TMEM215: variants seen among roughly 807,000 people sequenced by gnomAD.
The protein encoded by TMEM215 is transmembrane protein 215.
A neutral mutation model predicts 14.7 loss-of-function variants in TMEM215; 12 were observed. That is an observed-to-expected ratio of 0.82 (90% CI 0.52 to 1.33). TMEM215 has a LOEUF of 1.33. Among genes scored for constraint, TMEM215 ranks in the 40% most tolerant of loss-of-function variants. TMEM215 has a pLI of 0.00. For missense variants in TMEM215, 276 were observed against 296.2 expected (o/e 0.93, Z 0.50); for synonymous variants, 122 against 124.8 (o/e 0.98, Z 0.15).
rs1197917146 is a variant in TMEM215 at position 32,788,175 on chromosome 9, AT to A, written c.*3285del. Among the ~76,000 whole-genome samples, 14 of 152,314 alleles carry A rather than the reference AT, an allele frequency of 9.2e-5. No homozygotes were observed. Among genetic ancestry groups the A allele is most frequent in the African/African-American group, 3.1e-4 (13 of 41,578 alleles). Reference sequence around the variant, plus strand: ...TGTTAAATGTTTTTTCTCTTTTGCAATGTCCAAGCTCTACTTATTTATTAAT... The same window carrying A: ...TGTTAAATGTTTTTTCTCTTTTGCAAGTCCAAGCTCTACTTATTTATTAAT... On this transcript the variant is annotated 3_prime_UTR_variant, in exon 2 of 2. Coordinates refer to ENST00000342743, the MANE Select transcript of TMEM215 (RefSeq NM_212558.3).
Position 32,787,818 on chromosome 9 carries a change from C to A in TMEM215, c.*2927C>A, listed in dbSNP as rs1013922424. ...TTGCTGTTAATCCAAGTAGACATTG[C>A]GACTTGATTCTGAATAGGCATTTTA... On this transcript the variant is annotated 3_prime_UTR_variant, in exon 2 of 2. Transcript: ENST00000342743. Among the ~76,000 whole-genome samples the A allele has an allele frequency of 1.1e-4, 16 of 151,990 alleles. No homozygotes were observed. The highest frequency in any genetic ancestry group is 1.9e-4 in the Non-Finnish European group (13 of 67,954).
rs1824508051 is a variant in TMEM215 at position 32,786,486 on chromosome 9, A to G, written c.*1595A>G. The G allele has an allele frequency of 6.0e-6, 1 of 166,916 alleles. No individual in the cohort carries two copies. The highest frequency in any genetic ancestry group is 1.5e-5 in the Non-Finnish European group (1 of 68,050). 10.3% of individuals were successfully genotyped at this position (166,916 alleles called of 1,614,324 possible). A position where few individuals can be genotyped will look rare whatever the true frequency, so the allele number is the denominator to read the frequency against. On this transcript the variant is annotated 3_prime_UTR_variant, in exon 2 of 2. Coordinates refer to ENST00000342743, the MANE Select transcript of TMEM215 (RefSeq NM_212558.3). ...GGCTTAAATATCAGAAATGAGATGC[A>G]TGATCTTGGGCAAATTTTATCTTCT...
In TMEM215 at chr9:32,788,434, G is replaced by A. The variant is rs1011768590; in HGVS notation, c.*3543G>A. On this transcript the variant is annotated 3_prime_UTR_variant, in exon 2 of 2. Transcript: ENST00000342743. Reference sequence around the variant, plus strand: ...TCTCTTTGAATTATATTCCATGCATGTTTCCATGTTTCTATGTAGTATTTC... The same window carrying A: ...TCTCTTTGAATTATATTCCATGCATATTTCCATGTTTCTATGTAGTATTTC... 5.3e-5 allele frequency among the ~76,000 whole-genome samples: 8 copies of A among 152,126 alleles called. No individual in the cohort carries two copies. Among genetic ancestry groups the A allele is most frequent in the Non-Finnish European group, 1.0e-4 (7 of 68,004 alleles).
In TMEM215 at chr9:32,788,158, G is replaced by GT. The variant is rs1824528275; in HGVS notation, c.*3273dup. Among the ~76,000 whole-genome samples, 1 of 152,094 alleles carries GT rather than the reference G, an allele frequency of 6.6e-6. No individual in the cohort carries two copies. Among genetic ancestry groups the GT allele is most frequent in the Non-Finnish European group, 1.5e-5 (1 of 67,994 alleles). On this transcript the variant is annotated 3_prime_UTR_variant, in exon 2 of 2. Coordinates refer to ENST00000342743, the MANE Select transcript of TMEM215 (RefSeq NM_212558.3). Reference sequence around the variant, plus strand: ...GAAAGGAAGATTCATTCTGTTAAATGTTTTTTCTCTTTTGCAATGTCCAAG... The same window carrying GT: ...GAAAGGAAGATTCATTCTGTTAAATGTTTTTTTCTCTTTTGCAATGTCCAAG...
At position 32,786,199 on chromosome 9, in the gene TMEM215, T is replaced by C. The variant is rs1824504690; in HGVS notation, c.*1308T>C. ...TATGAATTATATATAGGAATGGTGA[T>C]AGAGTTCATCTTGAAGATCAGAAGT... is the stretch of plus-strand genomic sequence containing the variant. On this transcript the variant is annotated 3_prime_UTR_variant, in exon 2 of 2. Transcript: ENST00000342743. The C allele has an allele frequency of 6.0e-6, 1 of 167,026 alleles. No homozygotes were observed. Among genetic ancestry groups the C allele is most frequent in the South Asian group, 2.1e-4 (1 of 4,832 alleles). 10.3% of individuals were successfully genotyped at this position (167,026 alleles called of 1,614,324 possible).
Position 32,787,006 on chromosome 9 carries a change from GAAAACTTCCTTT to G in TMEM215, c.*2118_*2129del, listed in dbSNP as rs1824514255. On this transcript the variant is annotated 3_prime_UTR_variant, in exon 2 of 2. Transcript: ENST00000342743. Reference sequence around the variant, plus strand: ...AACTATGCAATAACTCTTTAGGAATGAAAACTTCCTTTAAGAAGTTTGCCACCGTTAGAGATG... The same window carrying G: ...AACTATGCAATAACTCTTTAGGAATGAAGAAGTTTGCCACCGTTAGAGATG... 1 of 166,978 alleles carries G rather than the reference GAAAACTTCCTTT, an allele frequency of 6.0e-6. No individual in the cohort carries two copies. Among genetic ancestry groups the G allele is most frequent in the Admixed American group, 6.5e-5 (1 of 15,278 alleles). The allele number at this position is 166,978 out of a possible 1,614,324, so 10.3% of individuals were successfully genotyped here.
Position 32,784,876 on chromosome 9 carries a change from C to A in TMEM215, c.693C>A (p.His231Gln). The change falls in exon 2 of 2, where the codon CAC becomes CAA. Residue 231 changes from histidine (H) to glutamine (Q), a missense_variant. His to Gln is a conservative substitution (Grantham distance 24, BLOSUM62 0). Coordinates refer to ENST00000342743, the MANE Select transcript of TMEM215 (RefSeq NM_212558.3). ...YINQIQGRWD[H>Q]ETIV is the part of the protein sequence containing the mutation. ...ATCAGATACAAGGCAGGTGGGACCA[C>A]GAGACCATCGTCTAATCTCTGCCTA... is the stretch of plus-strand genomic sequence containing the variant. 6.2e-7 allele frequency: 1 copy of A among 1,611,826 alleles called. No individual in the cohort carries two copies. Among genetic ancestry groups the A allele is most frequent in the Non-Finnish European group, 8.5e-7 (1 of 1,179,226 alleles).
chr9:32,784,395 A>G lies in TMEM215; in HGVS notation c.212A>G (p.Glu71Gly). The G allele has an allele frequency of 1.9e-6, 3 of 1,614,224 alleles. No homozygotes were observed. The highest frequency in any genetic ancestry group is 1.7e-6 in the Non-Finnish European group (2 of 1,180,028). ...RKTEGCTKWP[E>G]NELLWVRKLP... ...ACCGAGGGATGCACCAAGTGGCCAG[A>G]GAACGAGCTGCTGTGGGTCCGCAAA... Residue 71 changes from glutamate to glycine, a missense_variant, in exon 2 of 2, where the codon GAG (glutamate) becomes GGG (glycine). Coordinates refer to ENST00000342743, the MANE Select transcript of TMEM215 (RefSeq NM_212558.3).
In TMEM215 at chr9:32,784,903, A is replaced by G. The variant is rs1824489198; in HGVS notation, c.*12A>G. The G allele has an allele frequency of 6.2e-7, 1 of 1,601,780 alleles. No homozygotes were observed. Among genetic ancestry groups the G allele is most frequent in the Admixed American group, 1.7e-5 (1 of 59,562 alleles). On this transcript the variant is annotated 3_prime_UTR_variant, in exon 2 of 2. Coordinates refer to ENST00000342743, the MANE Select transcript of TMEM215 (RefSeq NM_212558.3). ...AGACCATCGTCTAATCTCTGCCTACAAAGGTGGCTGGATTGATAGAATATG... is the reference window on the plus strand; with the variant it reads ...AGACCATCGTCTAATCTCTGCCTACGAAGGTGGCTGGATTGATAGAATATG...
rs1478792373 is a variant in TMEM215, at chr9:32,783,744, G to T, written c.-120G>T. 1 of 159,604 alleles carries T rather than the reference G, an allele frequency of 6.3e-6. No individual in the cohort carries two copies. Among genetic ancestry groups the T allele is most frequent in the African/African-American group, 2.4e-5 (1 of 41,550 alleles). 9.9% of individuals were successfully genotyped at this position (159,604 alleles called of 1,614,324 possible). A position where few individuals can be genotyped will look rare whatever the true frequency, so the allele number is the denominator to read the frequency against. On this transcript the variant is annotated 5_prime_UTR_variant, in exon 1 of 2. Transcript: ENST00000342743. ...CGAGCCGAGGGGGCAGCTGCTGTGG[G>T]GGCTTCTGAGGAGACAGCCTGGCTT... is the stretch of plus-strand genomic sequence containing the variant.
In TMEM215 at chr9:32,788,584, C is replaced by T. The variant is rs1824532488; in HGVS notation, c.*3693C>T. Among the ~76,000 whole-genome samples, 1 of 152,036 alleles carries T rather than the reference C, an allele frequency of 6.6e-6. No homozygotes were observed. Among genetic ancestry groups the T allele is most frequent in the Non-Finnish European group, 1.5e-5 (1 of 68,016 alleles). Reference sequence around the variant, plus strand: ...GATTTTGTATGTTTTTTTCCTATTGCTGGTTACACTGCTATATTATTTGTT... The same window carrying T: ...GATTTTGTATGTTTTTTTCCTATTGTTGGTTACACTGCTATATTATTTGTT... On this transcript the variant is annotated 3_prime_UTR_variant, in exon 2 of 2. Coordinates refer to ENST00000342743, the MANE Select transcript of TMEM215 (RefSeq NM_212558.3).
Position 32,785,470 on chromosome 9 carries a change from A to C in TMEM215, c.*579A>C, listed in dbSNP as rs375005109. 4.8e-5 allele frequency: 8 copies of C among 167,436 alleles called. No homozygotes were observed. In the South Asian group the frequency reaches 6.2e-4, roughly 13 times the overall value. The allele number at this position is 167,436 out of a possible 1,614,324, so 10.4% of individuals were successfully genotyped here. On this transcript the variant is annotated 3_prime_UTR_variant, in exon 2 of 2. Coordinates refer to ENST00000342743, the MANE Select transcript of TMEM215 (RefSeq NM_212558.3). ...GTAGTTAAAGAGAGTTGGATTATGT[A>C]ACTGAGTCTTGTGGCATTATTGTCT...
chr9:32,787,526 T>C lies in TMEM215; in HGVS notation c.*2635T>C, dbSNP rs1697966164. 1 of 166,810 alleles carries C rather than the reference T, an allele frequency of 6.0e-6. No individual in the cohort carries two copies. Among genetic ancestry groups the C allele is most frequent in the Admixed American group, 6.5e-5 (1 of 15,276 alleles). 10.3% of individuals were successfully genotyped at this position (166,810 alleles called of 1,614,324 possible). A position where few individuals can be genotyped will look rare whatever the true frequency, so the allele number is the denominator to read the frequency against. On this transcript the variant is annotated 3_prime_UTR_variant, in exon 2 of 2. Transcript: ENST00000342743. ...GTAACCTGGTGCCCCAAATCAATAC[T>C]TGTAAGTACTATTCAGAGTTAAACT...
Position 32,785,604 on chromosome 9 carries a change from T to C in TMEM215, c.*713T>C, listed in dbSNP as rs1824498585. On this transcript the variant is annotated 3_prime_UTR_variant, in exon 2 of 2. Transcript: ENST00000342743. ...CTTAAACTCTTCGTTTAAATCCATT[T>C]ATTGCATCTTTATCTGAAATGGGTT... 1 of 167,098 alleles carries C rather than the reference T, an allele frequency of 6.0e-6. No homozygotes were observed. The highest frequency in any genetic ancestry group is 6.5e-5 in the Admixed American group (1 of 15,292). The allele number at this position is 167,098 out of a possible 1,614,324, so 10.4% of individuals were successfully genotyped here.
Position 32,784,737 on chromosome 9 carries a change from A to G in TMEM215, c.554A>G (p.Asp185Gly), listed in dbSNP as rs1174197171. 1.9e-6 allele frequency: 3 copies of G among 1,613,994 alleles called. No homozygotes were observed. The highest frequency in any genetic ancestry group is 1.7e-5 in the Admixed American group (1 of 60,008). The change falls in exon 2 of 2, where the codon GAC (aspartate) becomes GGC (glycine). Residue 185 changes from aspartate (D) to glycine (G), a missense_variant. Coordinates refer to ENST00000342743, the MANE Select transcript of TMEM215 (RefSeq NM_212558.3). ...SALDVKCSAR[D>G]RSECPEPEDS... ...TTGGACGTCAAGTGCTCAGCAAGGGACAGATCTGAGTGCCCTGAGCCTGAG... is the reference window on the plus strand; with the variant it reads ...TTGGACGTCAAGTGCTCAGCAAGGGGCAGATCTGAGTGCCCTGAGCCTGAG...
chr9:32,784,157 C>G lies in TMEM215; in HGVS notation c.-27C>G. On this transcript the variant is annotated 5_prime_UTR_variant, in exon 2 of 2. Coordinates refer to ENST00000342743, the MANE Select transcript of TMEM215 (RefSeq NM_212558.3). ...GGAACGCTGCTCCCTGGTCAGCAAG[C>G]AGCCCCCAACCTGGATGGAGTGAAA... is the stretch of plus-strand genomic sequence containing the variant. 6.3e-7 allele frequency: 1 copy of G among 1,584,332 alleles called. No individual in the cohort carries two copies. The highest frequency in any genetic ancestry group is 1.3e-5 in the African/African-American group (1 of 74,260).
chr9:32,783,571 C>G lies in TMEM215; in HGVS notation c.-293C>G, dbSNP rs76380894. ...AGTGCTCCCTCCTCCTCCCGCGCCC[C>G]GCGCTCTGCGCGCTGAGCTGGCGCC... On this transcript the variant is annotated 5_prime_UTR_variant, in exon 1 of 2. Coordinates refer to ENST00000342743, the MANE Select transcript of TMEM215 (RefSeq NM_212558.3). The G allele has an allele frequency of 4.4e-3, 669 of 153,392 alleles. 19 individuals carry two copies. Among genetic ancestry groups the G allele is most frequent in the East Asian group, 0.013 (70 of 5,204 alleles). 9.5% of individuals were successfully genotyped at this position (153,392 alleles called of 1,614,324 possible). A position where few individuals can be genotyped will look rare whatever the true frequency, so the allele number is the denominator to read the frequency against.
rs992541406 is a variant in TMEM215 at position 32,787,315 on chromosome 9, C to T, written c.*2424C>T. The T allele has an allele frequency of 1.8e-5, 3 of 166,862 alleles. No individual in the cohort carries two copies. The highest frequency in any genetic ancestry group is 7.2e-5 in the African/African-American group (3 of 41,436). 10.3% of individuals were successfully genotyped at this position (166,862 alleles called of 1,614,324 possible). The stretch of plus-strand genomic sequence containing the variant: ...AAAACCTATTTCATGTTTCTTCTCC[C>T]ATTACCTACTTAAGATACTTAAGGT... On this transcript the variant is annotated 3_prime_UTR_variant, in exon 2 of 2. Coordinates refer to ENST00000342743, the MANE Select transcript of TMEM215 (RefSeq NM_212558.3).
In TMEM215 at chr9:32,787,628, G is replaced by GA. The variant is rs1160925900; in HGVS notation, c.*2744dup. Among the ~76,000 whole-genome samples the GA allele has an allele frequency of 6.6e-6, 1 of 151,938 alleles. No individual in the cohort carries two copies. The highest frequency in any genetic ancestry group is 6.6e-5 in the Admixed American group (1 of 15,260). On this transcript the variant is annotated 3_prime_UTR_variant, in exon 2 of 2. Coordinates refer to ENST00000342743, the MANE Select transcript of TMEM215 (RefSeq NM_212558.3). ...TTTGAACAGAGGTAGAAGAGAAAGA[G>GA]AAAAAAAGTGTCTCAGCCCTTTAGA... is the stretch of plus-strand genomic sequence containing the variant.
Sources: allele counts gnomAD v4.1 joint callset (sites outside exome capture counted in the v4.1 genomes callset), GRCh38; gene constraint gnomAD v4.1.1; transcripts MANE v1.5; gene names NCBI Gene and HGNC (gene_info 2026-07-23, HGNC 2026-07-21).